The following ACKR5 variants were observed in gnomAD, a reference collection of about 807,000 sequenced individuals.
ACKR5 encodes the protein atypical chemokine receptor 5.
At chr12:56,995,974 C>T in the ACKR5 span, 1 of 1,611,232 alleles carries the variant, frequency 6.2e-7, no homozygotes, top group African/African-American at 1.3e-5. The surrounding 1 kb of genome is among the most constrained non-coding windows in gnomAD (Gnocchi z 4.7). Context: ...AGAGCCGGCG[C>T]CACTGCCTGC....
the ACKR5 span, chr12:56,996,123 T>C: frequency 2.4e-4 from 393 of 1,614,000 alleles, no homozygotes; most frequent in South Asian, 1.5e-3. Flanking sequence ...TATGATGTCA[T>C]TGACTGCTTC....
the ACKR5 span, chr12:56,996,255 G>A: frequency 7.4e-6 from 12 of 1,614,032 alleles, no homozygotes; most frequent in East Asian, 2.4e-4. Flanking sequence ...GCGGGCACAT[G>A]CGCCTCCTCT....
At chr12:56,996,682 TGGACTCTGGATC>T in the ACKR5 span, 10 of 431,218 alleles carry the variant, frequency 2.3e-5, no homozygotes, top group Admixed American at 8.1e-5. Flanking sequence ...GAGATAGCCA[TGGACTCTGGATC>T]TTTTAAAAAT....
At chr12:56,997,874 C>T in the ACKR5 span, 2 of 152,152 alleles carry the variant, frequency 1.3e-5, no homozygotes, top group African/African-American at 4.8e-5. Context: ...GCATATGCAC[C>T]CAGGTTTGTC....
the ACKR5 span, among the ~76,000 whole-genome samples, chr12:56,998,602 G>A: frequency 2.0e-5 from 3 of 152,206 alleles, no homozygotes; most frequent in South Asian, 4.1e-4. Context: ...TGGGCTGACG[G>A]AGGATCCTCT....
chr12:56,997,755 G>C, the ACKR5 span: 7 of 152,228 alleles, frequency 4.6e-5, no homozygotes, highest in African/African-American at 1.7e-4. Context: ...AGTGCTCCAT[G>C]TGTCTGGAAT....
the ACKR5 span, chr12:56,996,447 C>T: frequency 3.9e-6 from 6 of 1,539,936 alleles, no homozygotes; most frequent in South Asian, 2.6e-5. Context: ...ACTCCTCCAA[C>T]AGTGAAGGAA....
the ACKR5 span, chr12:56,995,662 C>T: frequency 3.1e-6 from 5 of 1,614,048 alleles, no homozygotes; most frequent in Non-Finnish European, 4.2e-6. This position sits in a 1 kb window ranked among gnomAD's most constrained non-coding sequence, Gnocchi z 4.7. Context: ...GTGTCGACCG[C>T]TATGTCACCC....
the ACKR5 span, chr12:56,995,730 G>C: frequency 3.7e-6 from 6 of 1,613,864 alleles, no homozygotes; most frequent in South Asian, 5.5e-5. The surrounding 1 kb of genome is among the most constrained non-coding windows in gnomAD (Gnocchi z 4.7). Flanking sequence ...CGGGCCATGT[G>C]TGCAGGCATC....
At chr12:56,995,934 C>T in the ACKR5 span, 1 of 1,613,068 alleles carries the variant, frequency 6.2e-7, no homozygotes, top group South Asian at 1.1e-5. The surrounding 1 kb of genome is among the most constrained non-coding windows in gnomAD (Gnocchi z 4.7). Flanking sequence ...GTGCTGACAG[C>T]CTGCCGGCTG....
At chr12:56,998,589 C>T in the ACKR5 span, 1 of 152,262 alleles carries the variant, frequency 6.6e-6, no homozygotes, top group Non-Finnish European at 1.5e-5. Context: ...CCACCACTCT[C>T]TCTGGGCTGA....
chr12:56,996,059 C>T, the ACKR5 span: 1 of 1,612,140 alleles, frequency 6.2e-7, no homozygotes, highest in Admixed American at 1.7e-5. Context: ...GCTCACACTG[C>T]ATGGGACCCA....
At chr12:56,995,740 C>T in the ACKR5 span, 2 of 1,613,954 alleles carry the variant, frequency 1.2e-6, no homozygotes, top group Non-Finnish European at 1.7e-6. This position sits in a 1 kb window ranked among gnomAD's most constrained non-coding sequence, Gnocchi z 4.7. Context: ...GTGCAGGCAT[C>T]TGGGTCCTCT....
At chr12:56,996,571 C>A in the ACKR5 span, 1 of 695,164 alleles carries the variant, frequency 1.4e-6, no homozygotes, top group Non-Finnish European at 2.4e-6. Context: ...GAGAGAGAGA[C>A]AGGATCAGGA....
At chr12:56,997,442 T>C in the ACKR5 span, 2 of 152,254 alleles carry the variant, frequency 1.3e-5, no homozygotes, top group Non-Finnish European at 2.9e-5. Flanking sequence ...GACACTGTTA[T>C]AAGTCAGTTC....
chr12:56,995,626 C>A, the ACKR5 span: 2 of 1,614,104 alleles, frequency 1.2e-6, no homozygotes, highest in Non-Finnish European at 1.7e-6. The surrounding 1 kb of genome is among the most constrained non-coding windows in gnomAD (Gnocchi z 4.7). Context: ...ACATGTATAG[C>A]AGCATCTTCT....
chr12:56,995,715 T>C, the ACKR5 span: 2 of 1,613,660 alleles, frequency 1.2e-6, no homozygotes, highest in Non-Finnish European at 1.7e-6. This position sits in a 1 kb window ranked among gnomAD's most constrained non-coding sequence, Gnocchi z 4.7. Context: ...CAGCACCGAG[T>C]GCGGCGGGCC....
At chr12:56,998,852 T>G in the ACKR5 span, 1 of 152,782 alleles carries the variant, frequency 6.5e-6, no homozygotes, top group African/African-American at 2.4e-5. Context: ...ATTTCTTTTT[T>G]TATTCTAAAT....
chr12:56,995,343 T>G, the ACKR5 span: 3 of 1,614,236 alleles, frequency 1.9e-6, no homozygotes, highest in Admixed American at 3.3e-5. The surrounding 1 kb of genome is among the most constrained non-coding windows in gnomAD (Gnocchi z 4.7). Flanking sequence ...GAGTGCCACG[T>G]GGAGCTCAGC....
Sources: gnomAD v4.1 joint callset for allele counts (sites outside exome capture counted in the v4.1 genomes callset) on GRCh38, gnomAD v4.1.1 for gene constraint, Gnocchi (gnomAD v3.1) non-coding constraint, MANE v1.5 for transcripts, NCBI Gene and HGNC (gene_info 2026-07-23, HGNC 2026-07-21) for gene names.